RBFOX1: variants seen among roughly 807,000 people sequenced by gnomAD.
The protein encoded by RBFOX1 is RNA binding protein fox-1 homolog 1.
In RBFOX1, 8 loss-of-function variants were observed where a neutral mutation model predicts 57.7. The observed-to-expected ratio is 0.14, with a 90% CI of 0.08 to 0.25. The LOEUF (loss-of-function observed/expected upper bound fraction) is 0.25, where lower values mean the gene tolerates loss of function less well. RBFOX1 is among the 10% of genes least tolerant of loss of function. The pLI, the probability that RBFOX1 is intolerant of heterozygous loss-of-function variation, is 1.00. For synonymous variants in RBFOX1, 326 were observed against 222.4 expected (o/e 1.47, Z -4.15); for missense variants, 611 against 548.5 (o/e 1.11, Z -1.14).
intron 1 of RBFOX1, among the ~76,000 whole-genome samples, chr16:6,200,546 G>A (rs1375233936): frequency 1.3e-5 from 2 of 152,118 alleles, no homozygotes. Flanking sequence ...TAAACCATGG[G>A]ACTTAAGGGG....
chr16:6,106,932 A>T (rs1475094043), intron 1 of RBFOX1, among the ~76,000 whole-genome samples: 4 of 152,022 alleles, frequency 2.6e-5, no homozygotes, highest in Non-Finnish European at 4.4e-5. Flanking sequence ...TGGCCTCCCA[A>T]AGGGCTGGGA....
chr16:7,089,878 G>A (rs1478708), intron 4 of RBFOX1, among the ~76,000 whole-genome samples: 140,639 of 152,050 alleles, frequency 0.92, 65,207 homozygotes, highest in East Asian at 1. Flanking sequence ...CAAGTATTCT[G>A]TTTACATCTT....
At chr16:7,314,345 A>G (rs2142864694) in intron 4 of RBFOX1, among the ~76,000 whole-genome samples, 1 of 152,168 alleles carries the variant, frequency 6.6e-6, no homozygotes, top group East Asian at 1.9e-4. Context: ...AATTTCAGGG[A>G]GTGGGGTCCT....
chr16:7,030,257 T>A (rs2042447852), intron 3 of RBFOX1, among the ~76,000 whole-genome samples: 1 of 152,076 alleles, frequency 6.6e-6, no homozygotes, highest in South Asian at 2.1e-4. Context: ...TGGAGTGGAG[T>A]GCCTCTGTTT....
intron 4 of RBFOX1, among the ~76,000 whole-genome samples, chr16:7,156,396 C>A (rs1030264422): frequency 6.6e-6 from 1 of 151,638 alleles, no homozygotes; most frequent in African/African-American, 2.4e-5. Flanking sequence ...TGCACACATA[C>A]ATGTACATAT....
intron 3 of RBFOX1, among the ~76,000 whole-genome samples, chr16:6,958,473 G>C (rs2082311895): frequency 6.6e-6 from 1 of 152,114 alleles, no homozygotes; most frequent in African/African-American, 2.4e-5. Flanking sequence ...GATAATTTGT[G>C]ACACAAAAGG....
chr16:6,015,626 G>T (rs867583810), upstream of RBFOX1, among the ~76,000 whole-genome samples: 1 of 152,148 alleles, frequency 6.6e-6, no homozygotes. Flanking sequence ...CAGATTTGCT[G>T]TTCCTAGAAG....
At chr16:6,814,219 T>G (rs895502673) in intron 3 of RBFOX1, among the ~76,000 whole-genome samples, 2 of 142,836 alleles carry the variant, frequency 1.4e-5, no homozygotes, top group African/African-American at 2.6e-5. Flanking sequence ...GTTTTCTTCT[T>G]TCATGTAATA....
Position 6,371,718 on chromosome 16 carries a change from G to A in RBFOX1, c.-64+54661G>A, listed in dbSNP as rs1194839830. Among the ~76,000 whole-genome samples, 6 of 152,138 alleles carry A rather than the reference G, an allele frequency of 3.9e-5. No individual in the cohort carries two copies. The East Asian group carries it at 1.2e-3, about 29-fold the overall frequency. On this transcript the variant is annotated intron_variant, in intron 2 of 15. Coordinates refer to ENST00000550418, the MANE Select transcript of RBFOX1 (RefSeq NM_018723.4). ...TTATGGCTTCTGGACCCTCTAAATA[G>A]ACAATATAGATAGAACTAGGAAAAA...
chr16:5,664,853 T>C (rs73514562), intron 3 of RBFOX1, among the ~76,000 whole-genome samples: 1,986 of 152,250 alleles, frequency 0.013, 37 homozygotes, highest in African/African-American at 0.045. Context: ...GCAATACACA[T>C]GGCCTTGATC....
intron 4 of RBFOX1, among the ~76,000 whole-genome samples, chr16:7,495,515 A>T (rs779900689): frequency 2.6e-5 from 4 of 152,110 alleles, no homozygotes; most frequent in Non-Finnish European, 4.4e-5. Context: ...AGGCATTTTG[A>T]CTGGTGCGAG....
chr16:6,761,738 C>A (rs2076635986), intron 3 of RBFOX1, among the ~76,000 whole-genome samples: 1 of 151,774 alleles, frequency 6.6e-6, no homozygotes, highest in African/African-American at 2.4e-5. Flanking sequence ...AATTCCTGAC[C>A]TTGTGATCCA....
chr16:6,518,268 G>C (rs1168810039), intron 2 of RBFOX1, among the ~76,000 whole-genome samples: 2 of 152,192 alleles, frequency 1.3e-5, no homozygotes, highest in East Asian at 3.9e-4. Context: ...ACAAACATTA[G>C]TTAAGAAAAG....
chr16:6,300,390 G>T (rs1278626578), intron 1 of RBFOX1, among the ~76,000 whole-genome samples: 1 of 152,114 alleles, frequency 6.6e-6, no homozygotes. Flanking sequence ...CCATTCCACA[G>T]TGTATACATA....
chr16:6,310,901 TAAAAAAAAA>T (rs200121160), intron 1 of RBFOX1, among the ~76,000 whole-genome samples: 2 of 140,520 alleles, frequency 1.4e-5, no homozygotes, highest in African/African-American at 5.1e-5. Flanking sequence ...ACCAGTGGTT[TAAAAAAAAA>T]AAAAAAAAAA....
intron 3 of RBFOX1, among the ~76,000 whole-genome samples, chr16:6,679,163 C>T (rs1259096225): frequency 1.3e-5 from 2 of 152,056 alleles, no homozygotes; most frequent in East Asian, 3.9e-4. Flanking sequence ...AGTGTTCCAC[C>T]CATTCAGTCT....
intron 10 of RBFOX1, among the ~76,000 whole-genome samples, chr16:7,624,509 C>T (rs1201823344): frequency 6.6e-6 from 1 of 152,200 alleles, no homozygotes; most frequent in Non-Finnish European, 1.5e-5. Context: ...TCTGGAAAAG[C>T]ACATGGAGTT....
chr16:6,830,270 C>T (rs2092610943), intron 3 of RBFOX1, among the ~76,000 whole-genome samples: 1 of 152,138 alleles, frequency 6.6e-6, no homozygotes, highest in Non-Finnish European at 1.5e-5. Context: ...AAAGATTGTG[C>T]ATTCTGATAT....
chr16:5,406,211 C>T (rs919017245), intron 1 of RBFOX1, among the ~76,000 whole-genome samples: 1 of 152,038 alleles, frequency 6.6e-6, no homozygotes, highest in African/African-American at 2.4e-5. Flanking sequence ...AATATTGTCC[C>T]TGGGGTGATG....
Sources: gnomAD v4.1 joint callset for allele counts (sites outside exome capture counted in the v4.1 genomes callset) on GRCh38, gnomAD v4.1.1 for gene constraint, MANE v1.5 for transcripts, NCBI Gene and HGNC (gene_info 2026-07-23, HGNC 2026-07-21) for gene names.